Variants in CSMD1 observed in about 807,000 individuals in gnomAD.
CSMD1 encodes CUB and sushi domain-containing protein 1.
Under a neutral mutation model 417.5 loss-of-function variants are expected in CSMD1, and 213 were observed. The observed-to-expected ratio is 0.51, with a 90% CI of 0.46 to 0.57. The LOEUF (loss-of-function observed/expected upper bound fraction) is 0.57. CSMD1 is among the 20% of genes least tolerant of loss of function. The probability of loss-of-function intolerance (pLI) is 0.00; values close to 1 mark genes in which losing one functional copy is unlikely to be tolerated. For missense variants in CSMD1, 6,923 were observed against 4,529.7 expected (o/e 1.53, Z -15.17); for synonymous variants, 2,862 against 1,736.8 (o/e 1.65, Z -16.11).
intron 5 of CSMD1, among the ~76,000 whole-genome samples, chr8:3,788,254 G>C (rs562159822): frequency 6.6e-6 from 1 of 152,176 alleles, no homozygotes; most frequent in Non-Finnish European, 1.5e-5. Flanking sequence ...ACAAGATGGA[G>C]CTAAACATCA....
chr8:3,640,814 A>C (rs58913427), intron 7 of CSMD1, among the ~76,000 whole-genome samples: 1 of 152,050 alleles, frequency 6.6e-6, no homozygotes, highest in African/African-American at 2.4e-5. Context: ...GGATGGAAAG[A>C]CCAGAGCAGG....
chr8:4,522,070 C>G (rs1466999387), intron 2 of CSMD1, among the ~76,000 whole-genome samples: 2 of 152,170 alleles, frequency 1.3e-5, no homozygotes, highest in African/African-American at 4.8e-5. Context: ...CAAATCTCAT[C>G]TAGAATTGTA....
At chr8:3,380,265 A>C (rs1311335925) in intron 18 of CSMD1, among the ~76,000 whole-genome samples, 1 of 152,198 alleles carries the variant, frequency 6.6e-6, no homozygotes, top group Admixed American at 6.5e-5. Context: ...CTGTGGAGAA[A>C]CAGGAACACT....
At chr8:3,077,202 C>T (rs904305889) in intron 49 of CSMD1, among the ~76,000 whole-genome samples, 1 of 152,086 alleles carries the variant, frequency 6.6e-6, no homozygotes. Context: ...TTAAACTTTG[C>T]AAGGTGAGAA....
At chr8:4,857,542 G>T (rs187378095) in intron 1 of CSMD1, among the ~76,000 whole-genome samples, 1 of 152,182 alleles carries the variant, frequency 6.6e-6, no homozygotes, top group East Asian at 1.9e-4. Context: ...AAAAAAGAGA[G>T]AAGAATCAAA....
intron 12 of CSMD1, among the ~76,000 whole-genome samples, chr8:3,459,214 G>C (rs1010925122): frequency 6.6e-6 from 1 of 152,214 alleles, no homozygotes; most frequent in Non-Finnish European, 1.5e-5. Context: ...GCTGCACCGT[G>C]GTGGGGCACA....
At chr8:3,441,143 G>A (rs1013166509) in intron 12 of CSMD1, among the ~76,000 whole-genome samples, 1 of 152,196 alleles carries the variant, frequency 6.6e-6, no homozygotes, top group Non-Finnish European at 1.5e-5. Context: ...GTTAGCTGAG[G>A]AGCATAGGAG....
chr8:3,462,132 C>CA (rs1816544156), intron 12 of CSMD1, among the ~76,000 whole-genome samples: 1 of 151,788 alleles, frequency 6.6e-6, no homozygotes, highest in South Asian at 2.1e-4. Context: ...GCCCCCCCCC[C>CA]CACCTCCCAG....
chr8:4,041,102 C>T lies in CSMD1; in HGVS notation c.416-9003G>A, dbSNP rs7831438. Among the ~76,000 whole-genome samples the T allele has an allele frequency of 6.7e-4, 100 of 148,778 alleles. 1 individual carries two copies. The highest frequency in any genetic ancestry group is 2.0e-3 in the African/African-American group (79 of 40,374). ...CGCGATCTCGGCTCACTGCAAGCTC[C>T]GCCTCCCGGGTTCCCGCCATTCTCC... On this transcript the variant is annotated intron_variant, in intron 3 of 69. Coordinates refer to ENST00000635120, the MANE Select transcript of CSMD1 (RefSeq NM_033225.6).
At chr8:4,338,956 C>CT (rs759040762) in intron 3 of CSMD1, among the ~76,000 whole-genome samples, 3 of 152,008 alleles carry the variant, frequency 2.0e-5, no homozygotes, top group Non-Finnish European at 1.5e-5. Flanking sequence ...GAACATAGGT[C>CT]TGGGCATACA....
intron 43 of CSMD1, among the ~76,000 whole-genome samples, chr8:3,109,096 C>G (rs1488713981): frequency 6.6e-6 from 1 of 152,120 alleles, no homozygotes; most frequent in East Asian, 1.9e-4. Flanking sequence ...GAAACCCTGT[C>G]TCTACTAAAA....
At chr8:4,993,290 A>G (rs1165674809) in intron 1 of CSMD1, among the ~76,000 whole-genome samples, 6 of 152,210 alleles carry the variant, frequency 3.9e-5, no homozygotes, top group Admixed American at 3.9e-4. Flanking sequence ...GGGAACATCT[A>G]TGGAAGTGCT....
At chr8:3,432,379 C>T (rs373552766) in intron 12 of CSMD1, among the ~76,000 whole-genome samples, 41 of 152,056 alleles carry the variant, frequency 2.7e-4, no homozygotes, top group Admixed American at 1.6e-3. Flanking sequence ...ATTTATACCA[C>T]GACAGTTCCT....
intron 4 of CSMD1, among the ~76,000 whole-genome samples, chr8:4,025,186 G>C (rs1048122435): frequency 6.6e-6 from 1 of 152,200 alleles, no homozygotes; most frequent in African/African-American, 2.4e-5. Context: ...ACCCCCTCCT[G>C]GGGGAGTGTT....
In CSMD1 at chr8:3,223,870, G is replaced by C. The variant is rs1306198630; in HGVS notation, c.4346-3C>G. On this transcript the variant is annotated splice_polypyrimidine_tract_variant and splice_region_variant and intron_variant, in intron 27 of 69. Transcript: ENST00000635120. ...CGTCAGATTCCCTCCACAAGCAGCT[G>C]TCACAGAACAAAAGTTACAGAGAAA... 1 of 1,613,458 alleles carries C rather than the reference G, an allele frequency of 6.2e-7. No homozygotes were observed. Among genetic ancestry groups the C allele is most frequent in the Non-Finnish European group, 8.5e-7 (1 of 1,179,704 alleles).
At chr8:3,518,523 G>A (rs1797374606) in intron 10 of CSMD1, among the ~76,000 whole-genome samples, 2 of 152,224 alleles carry the variant, frequency 1.3e-5, no homozygotes, top group South Asian at 4.1e-4. Flanking sequence ...TGACTAAAAT[G>A]ATCAATGATT....
At chr8:3,764,342 C>T (rs1798157403) in intron 5 of CSMD1, among the ~76,000 whole-genome samples, 1 of 152,114 alleles carries the variant, frequency 6.6e-6, no homozygotes, top group Non-Finnish European at 1.5e-5. Context: ...TGCTCCCTGC[C>T]CCTCTCTGCT....
At chr8:4,023,753 ATTTTTTTTTT>A (rs760333220) in intron 4 of CSMD1, among the ~76,000 whole-genome samples, 8 of 50,122 alleles carry the variant, frequency 1.6e-4, no homozygotes, top group South Asian at 1.1e-3. Context: ...CGCTCGGCTA[ATTTTTTTTTT>A]TTTTTTTTTT....
chr8:4,580,439 T>C (rs966436239), intron 2 of CSMD1, among the ~76,000 whole-genome samples: 6 of 152,218 alleles, frequency 3.9e-5, no homozygotes, highest in African/African-American at 7.2e-5. Flanking sequence ...AAAAAAACTA[T>C]TGCATCCACT....
Sources: allele counts gnomAD v4.1 joint callset (sites outside exome capture counted in the v4.1 genomes callset), GRCh38; gene constraint gnomAD v4.1.1; transcripts MANE v1.5; gene names NCBI Gene and HGNC (gene_info 2026-07-23, HGNC 2026-07-21).